Variants in DPY19L1 observed in about 807,000 individuals in gnomAD.
DPY19L1 encodes dpy-19 like C-mannosyltransferase 1.
A neutral mutation model predicts 96.9 loss-of-function variants in DPY19L1; 35 were observed. The ratio of observed to expected loss-of-function variants is 0.36; its 90% CI spans 0.28 to 0.48. The LOEUF (loss-of-function observed/expected upper bound fraction) is 0.48, where lower values mean the gene tolerates loss of function less well. Among genes scored for constraint, DPY19L1 ranks in the 20% least tolerant of loss-of-function variants. The pLI, the probability that DPY19L1 is intolerant of heterozygous loss-of-function variation, is 0.99. For missense variants in DPY19L1, 521 were observed against 777.9 expected, an observed-to-expected ratio of 0.67 and a Z score of 3.93; for synonymous variants, 205 against 252.6, an observed-to-expected ratio of 0.81 and a Z score of 1.79.
chr7:34,947,978 A>G (rs1465456269), intron 14 of DPY19L1, among the ~76,000 whole-genome samples: 1 of 152,158 alleles, frequency 6.6e-6, no homozygotes, highest in South Asian at 2.1e-4. Context: ...TACTTATCTA[A>G]CTAGAGAGAC....
chr7:34,959,910 T>TTTTA (rs1784459682), intron 10 of DPY19L1, among the ~76,000 whole-genome samples: 1 of 19,642 alleles, frequency 5.1e-5, no homozygotes, highest in African/African-American at 2.0e-4. Context: ...TATATATATA[T>TTTTA]ATATATATAT....
rs368552911 is a variant in DPY19L1, at chr7:34,959,898, AATATAT to A, written c.1093-1834_1093-1829del. ...TAATATATATGTTTATTTGTATATA[AATATAT>A]ATATATATATATATATATATTTATA... is the stretch of plus-strand genomic sequence containing the variant. On this transcript the variant is annotated intron_variant, in intron 10 of 21. Coordinates refer to ENST00000638088, the MANE Select transcript of DPY19L1 (RefSeq NM_001366673.1). Among the ~76,000 whole-genome samples the A allele has an allele frequency of 7.8e-3, 489 of 62,372 alleles. 5 individuals are homozygous for A. Among genetic ancestry groups the A allele is most frequent in the East Asian group, 0.055 (195 of 3,522 alleles). 40.9% of individuals were successfully genotyped at this position (62,372 alleles called of 152,430 possible).
chr7:35,018,162 A>C (rs569482019), intron 2 of DPY19L1, among the ~76,000 whole-genome samples, 193 bp from the exon 3 acceptor site: 52 of 152,342 alleles, frequency 3.4e-4, no homozygotes, highest in Admixed American at 1.2e-3. Flanking sequence ...CTCTCTAAAA[A>C]ATCAAATTAG....
intron 6 of DPY19L1, among the ~76,000 whole-genome samples, chr7:34,995,861 T>C (rs1026123445): frequency 2.3e-5 from 3 of 131,304 alleles, no homozygotes; most frequent in African/African-American, 8.6e-5. Flanking sequence ...AATGAAGAAA[T>C]GCCAAGCAGG....
At position 34,931,489 on chromosome 7, in the gene DPY19L1, T is replaced by C. The variant is rs1010558259; in HGVS notation, c.*84A>G. 1.5e-6 allele frequency: 2 copies of C among 1,350,650 alleles called. No homozygotes were observed. The highest frequency in any genetic ancestry group is 2.7e-5 in the East Asian group (1 of 36,968). The allele number at this position is 1,350,650 out of a possible 1,614,324, so 83.7% of individuals were successfully genotyped here. On this transcript the variant is annotated 3_prime_UTR_variant, in exon 22 of 22. Coordinates refer to ENST00000638088, the MANE Select transcript of DPY19L1 (RefSeq NM_001366673.1). ...TGAAAACAGTTACCTATAAAAGTTT[T>C]TGGGATATGAACAACACATGACTTA...
chr7:35,038,021 G>C (rs1786492747), upstream of DPY19L1: 5 of 774,926 alleles, frequency 6.5e-6, no homozygotes, highest in Non-Finnish European at 8.6e-6. Context: ...GGGAGAAGGC[G>C]CCCGGAGCGG....
At chr7:35,007,357 C>T (rs1388810214) in intron 6 of DPY19L1, among the ~76,000 whole-genome samples, 1 of 152,058 alleles carries the variant, frequency 6.6e-6, no homozygotes, top group Non-Finnish European at 1.5e-5. Flanking sequence ...ACCATGGGGT[C>T]CAAGAGTTGG....
At chr7:34,942,030 A>G in intron 17 of DPY19L1, 146 bp from the exon 18 acceptor site, 1 of 872,020 alleles carries the variant, frequency 1.1e-6, no homozygotes, top group Non-Finnish European at 1.7e-6. Context: ...AATTCTTAAA[A>G]TTCACTTTCA....
chr7:34,931,826 T>TC, intron 21 of DPY19L1, 97 bp from the exon 22 acceptor site: 1 of 1,449,948 alleles, frequency 6.9e-7, no homozygotes, highest in Non-Finnish European at 9.1e-7. Flanking sequence ...ATTCCTTTTT[T>TC]CCCCTTAAAT....
chr7:34,937,834 G>C (rs1263951141), intron 21 of DPY19L1, among the ~76,000 whole-genome samples, 160 bp downstream of exon 21: 3 of 151,994 alleles, frequency 2.0e-5, no homozygotes, highest in Non-Finnish European at 2.9e-5. Flanking sequence ...ACTCCAGCCT[G>C]GGCAACAGAG....
chr7:34,939,150 CCT>C (rs1330683103), intron 20 of DPY19L1, 124 bp downstream of exon 20: 3 of 787,752 alleles, frequency 3.8e-6, no homozygotes, highest in African/African-American at 3.5e-5. Flanking sequence ...CTTTCTGCTC[CCT>C]GACTCGATAA....
chr7:34,978,397 T>C (rs987029359), intron 7 of DPY19L1, among the ~76,000 whole-genome samples: 4 of 152,174 alleles, frequency 2.6e-5, no homozygotes, highest in East Asian at 1.9e-4. Context: ...TTAAACACTA[T>C]ATTTATGAGT....
chr7:35,028,364 T>C (rs1392984411), intron 1 of DPY19L1, among the ~76,000 whole-genome samples: 1 of 152,236 alleles, frequency 6.6e-6, no homozygotes, highest in African/African-American at 2.4e-5. Flanking sequence ...ATGGAAAGTA[T>C]ATATCACCAT....
chr7:34,949,448 A>G (rs1203619185), intron 14 of DPY19L1, among the ~76,000 whole-genome samples: 1 of 152,220 alleles, frequency 6.6e-6, no homozygotes, highest in African/African-American at 2.4e-5. Flanking sequence ...TTCAAAGCAA[A>G]TATCTATTTA....
chr7:34,929,178 T>C lies in DPY19L1; in HGVS notation c.*2395A>G, dbSNP rs1783697670. On this transcript the variant is annotated 3_prime_UTR_variant, in exon 22 of 22. Coordinates refer to ENST00000638088, the MANE Select transcript of DPY19L1 (RefSeq NM_001366673.1). ...TTCCTCATACTAAAGCAAAAATATT[T>C]GTAAATGCTAACAATATGCAAAACA... The C allele has an allele frequency of 6.6e-6, 1 of 152,236 alleles. No homozygotes were observed. The allele number at this position is 152,236 out of a possible 1,614,324, so 9.4% of individuals were successfully genotyped here. A position where few individuals can be genotyped will look rare whatever the true frequency, so the allele number is the denominator to read the frequency against.
intron 7 of DPY19L1, among the ~76,000 whole-genome samples, chr7:34,984,537 T>C (rs898476264): frequency 3.3e-5 from 5 of 152,200 alleles, no homozygotes; most frequent in Non-Finnish European, 7.3e-5. Context: ...ACTTTTCTAT[T>C]GTAGATTGCT....
chr7:34,958,544 C>T (rs1157524946), intron 10 of DPY19L1, among the ~76,000 whole-genome samples: 1 of 152,238 alleles, frequency 6.6e-6, no homozygotes, highest in African/African-American at 2.4e-5. Flanking sequence ...AATACAAACA[C>T]TGCTATGATA....
Position 34,939,263 on chromosome 7 carries a change from A to G in DPY19L1, c.1964+13T>C, listed in dbSNP as rs374056608. 1 of 1,611,566 alleles carries G rather than the reference A, an allele frequency of 6.2e-7. No individual in the cohort carries two copies. The highest frequency in any genetic ancestry group is 8.5e-7 in the Non-Finnish European group (1 of 1,179,014). Reference sequence around the variant, plus strand: ...GGGAGGTTTGTTTTGATGATGCAAGACTGTGCACTGACCTCAAGCCTGCGT... The same window carrying G: ...GGGAGGTTTGTTTTGATGATGCAAGGCTGTGCACTGACCTCAAGCCTGCGT... On this transcript the variant is annotated intron_variant, in intron 20 of 21. Coordinates refer to ENST00000638088, the MANE Select transcript of DPY19L1 (RefSeq NM_001366673.1).
chr7:34,932,732 T>C (rs1318056101), intron 21 of DPY19L1, among the ~76,000 whole-genome samples: 1 of 152,198 alleles, frequency 6.6e-6, no homozygotes, highest in Non-Finnish European at 1.5e-5. Context: ...TTATCTTAAA[T>C]CAAGAACAGT....
Sources: gnomAD v4.1 joint callset for allele counts (sites outside exome capture counted in the v4.1 genomes callset) on GRCh38, gnomAD v4.1.1 for gene constraint, MANE v1.5 for transcripts, NCBI Gene and HGNC (gene_info 2026-07-23, HGNC 2026-07-21) for gene names.